Variants in RBFOX1 observed in about 807,000 individuals in gnomAD.
RBFOX1 encodes the protein RNA binding protein fox-1 homolog 1.
RBFOX1 carries 8 observed loss-of-function variants against 57.7 expected under a neutral mutation model. The observed-to-expected ratio is 0.14, with a 90% CI of 0.08 to 0.25. The LOEUF is 0.25. Ranked by LOEUF, RBFOX1 falls within the 10% of genes least tolerant of loss-of-function variation. RBFOX1 has a pLI of 1.00. For missense variants in RBFOX1, 611 were observed against 548.5 expected, an observed-to-expected ratio of 1.11 and a Z score of -1.14; for synonymous variants, 326 against 222.4, an observed-to-expected ratio of 1.47 and a Z score of -4.15.
chr16:6,749,826 G>A (rs754443106), intron 3 of RBFOX1, among the ~76,000 whole-genome samples: 23 of 152,128 alleles, frequency 1.5e-4, no homozygotes, highest in African/African-American at 3.1e-4. Flanking sequence ...TTTTTATTTC[G>A]TTTTGCTTTC....
chr16:5,967,738 A>T (rs1006879932), intron 4 of RBFOX1, among the ~76,000 whole-genome samples: 3 of 152,170 alleles, frequency 2.0e-5, no homozygotes, highest in African/African-American at 4.8e-5. Context: ...TATAATTAGG[A>T]TATTCCCAAA....
intron 1 of RBFOX1, among the ~76,000 whole-genome samples, chr16:5,443,187 G>A (rs370910604): frequency 1.8e-4 from 28 of 152,160 alleles, no homozygotes; most frequent in African/African-American, 6.8e-4. Flanking sequence ...ACTTGTTGCA[G>A]TAGTCCCAGG....
chr16:5,824,880 C>G (rs188960416), intron 3 of RBFOX1, among the ~76,000 whole-genome samples: 1 of 152,198 alleles, frequency 6.6e-6, no homozygotes, highest in East Asian at 1.9e-4. Context: ...CTTTGGTTTA[C>G]TTTCCTGGGG....
chr16:6,780,410 T>TTATATATATTTATA (rs1260316849), intron 3 of RBFOX1, among the ~76,000 whole-genome samples: 2 of 79,224 alleles, frequency 2.5e-5, no homozygotes, highest in Non-Finnish European at 2.0e-5. Context: ...TTATATATAT[T>TTATATATATTTATA]TATATATATT....
chr16:5,756,953 A>C (rs1433187068), intron 3 of RBFOX1, among the ~76,000 whole-genome samples: 3 of 152,224 alleles, frequency 2.0e-5, no homozygotes, highest in African/African-American at 7.2e-5. Context: ...GTATTATCTT[A>C]ACACAATAGA....
At chr16:7,286,086 A>C (rs2095645572) in intron 4 of RBFOX1, among the ~76,000 whole-genome samples, 1 of 152,212 alleles carries the variant, frequency 6.6e-6, no homozygotes, top group African/African-American at 2.4e-5. Context: ...TTACCACTCT[A>C]TAAATATTTA....
chr16:6,567,510 T>A (rs1360361332), intron 2 of RBFOX1, among the ~76,000 whole-genome samples: 1 of 152,196 alleles, frequency 6.6e-6, no homozygotes, highest in Non-Finnish European at 1.5e-5. Context: ...ACAGTCACCC[T>A]GGTTCTCTGC....
intron 1 of RBFOX1, among the ~76,000 whole-genome samples, chr16:6,301,773 A>T (rs548619858): frequency 6.6e-6 from 1 of 152,334 alleles, no homozygotes; most frequent in African/African-American, 2.4e-5. Flanking sequence ...CTTCTACTAG[A>T]TCTGGACCCA....
intron 1 of RBFOX1, among the ~76,000 whole-genome samples, chr16:5,276,230 C>T (rs1483622928): frequency 6.6e-6 from 1 of 152,170 alleles, no homozygotes; most frequent in African/African-American, 2.4e-5. Flanking sequence ...AGGAAATAAA[C>T]AGCAGAGTAA....
intron 1 of RBFOX1, among the ~76,000 whole-genome samples, chr16:5,432,530 C>A (rs1464272747): frequency 2.1e-5 from 3 of 141,308 alleles, no homozygotes; most frequent in Admixed American, 7.1e-5. Flanking sequence ...TACCTTACAA[C>A]TGGGGAGTTT....
chr16:6,079,730 G>C (rs980319058), intron 1 of RBFOX1, among the ~76,000 whole-genome samples: 1 of 152,252 alleles, frequency 6.6e-6, no homozygotes, highest in South Asian at 2.1e-4. Context: ...TAGCTACTCA[G>C]AAGGCTGAGA....
At chr16:6,871,570 A>T (rs1250274196) in intron 3 of RBFOX1, among the ~76,000 whole-genome samples, 1 of 151,882 alleles carries the variant, frequency 6.6e-6, no homozygotes, top group Non-Finnish European at 1.5e-5. Flanking sequence ...TTAATTACTG[A>T]CTGAAACTTT....
chr16:6,247,663 C>G (rs1000455090), intron 1 of RBFOX1, among the ~76,000 whole-genome samples: 2 of 152,102 alleles, frequency 1.3e-5, no homozygotes, highest in East Asian at 3.9e-4. Context: ...AACACTAGAG[C>G]ATAGAGAAGC....
intron 3 of RBFOX1, among the ~76,000 whole-genome samples, chr16:6,970,447 G>C (rs1366946128): frequency 2.6e-5 from 4 of 152,194 alleles, no homozygotes; most frequent in African/African-American, 7.2e-5. Context: ...CCTTAGCCTG[G>C]GTAATGTATC....
chr16:5,459,138 T>G (rs977918055), intron 1 of RBFOX1, among the ~76,000 whole-genome samples: 1 of 152,206 alleles, frequency 6.6e-6, no homozygotes, highest in Non-Finnish European at 1.5e-5. Context: ...CCTCCCCTTT[T>G]CTTGGCGATG....
chr16:5,894,649 C>T (rs9936353), intron 4 of RBFOX1, among the ~76,000 whole-genome samples: 86,596 of 152,040 alleles, frequency 0.57, 24,783 homozygotes, highest in East Asian at 0.61. Context: ...TCCTTCTGAG[C>T]TCCCTGGAAG....
chr16:7,240,114 C>T (rs1266047969), intron 4 of RBFOX1, among the ~76,000 whole-genome samples: 1 of 152,018 alleles, frequency 6.6e-6, no homozygotes, highest in Non-Finnish European at 1.5e-5. Flanking sequence ...TTACGGGCAC[C>T]CGCCACCACG....
At chr16:6,289,940 T>A (rs961161116) in intron 1 of RBFOX1, among the ~76,000 whole-genome samples, 1 of 151,886 alleles carries the variant, frequency 6.6e-6, no homozygotes, top group African/African-American at 2.4e-5. Context: ...TAGTTGAGAA[T>A]GAAATGGAAA....
chr16:6,577,636 C>G (rs7185557), intron 2 of RBFOX1, among the ~76,000 whole-genome samples: 195 of 152,322 alleles, frequency 1.3e-3, no homozygotes, highest in Middle Eastern at 3.4e-3. Context: ...TGGTTTTACT[C>G]TTAGGAACCC....
Sources: allele counts gnomAD v4.1 joint callset (sites outside exome capture counted in the v4.1 genomes callset), GRCh38; gene constraint gnomAD v4.1.1; transcripts MANE v1.5; gene names NCBI Gene and HGNC (gene_info 2026-07-23, HGNC 2026-07-21).